DSCAM: variants seen among roughly 807,000 people sequenced by gnomAD.
DSCAM encodes the protein cell adhesion molecule DSCAM.
Under a neutral mutation model 217.7 loss-of-function variants are expected in DSCAM, and 47 were observed. The observed-to-expected ratio is 0.22, with a 90% CI of 0.17 to 0.28. DSCAM has a LOEUF of 0.28. Ranked by LOEUF, DSCAM falls within the 10% of genes least tolerant of loss-of-function variation. The pLI is 1.00. For synonymous variants in DSCAM, 1,056 were observed against 1,015.3 expected (o/e 1.04, Z -0.76); for missense variants, 2,080 against 2,618.3 (o/e 0.79, Z 4.49).
chr21:40,128,707 A>C (rs977534104), intron 19 of DSCAM, among the ~76,000 whole-genome samples: 1 of 151,784 alleles, frequency 6.6e-6, no homozygotes, highest in African/African-American at 2.4e-5. Flanking sequence ...AACAAAAAAA[A>C]AAAAAAAAAA....
At position 40,090,292 on chromosome 21, in the gene DSCAM, C is replaced by T. The variant is rs12626263; in HGVS notation, c.3851-3005G>A. On this transcript the variant is annotated intron_variant, in intron 21 of 32. Transcript: ENST00000400454. The stretch of plus-strand genomic sequence containing the variant: ...AAATAATGAACCCAGAGCCTTTCCT[C>T]GAATGAGAGCCTCCCTCCCCCTCCC... 1.4e-4 allele frequency among the ~76,000 whole-genome samples: 22 copies of T among 152,258 alleles called. No homozygotes were observed. The South Asian group carries it at 1.4e-3, about 10-fold the overall frequency.
Position 40,296,186 on chromosome 21 carries a change from G to T in DSCAM, c.2063-12C>A. 1 of 1,613,562 alleles carries T rather than the reference G, an allele frequency of 6.2e-7. No homozygotes were observed. ...AAACTTGGGAGGAACTGAAAAGAGA[G>T]AAATGTCACCAGTAATTAAGACTAG... On this transcript the variant is annotated splice_polypyrimidine_tract_variant and intron_variant, in intron 9 of 32. Coordinates refer to ENST00000400454, the MANE Select transcript of DSCAM (RefSeq NM_001389.5).
At chr21:40,585,164 G>A (rs142640925) in intron 3 of DSCAM, among the ~76,000 whole-genome samples, 134 of 138,352 alleles carry the variant, frequency 9.7e-4, no homozygotes, top group African/African-American at 3.4e-3. Context: ...GTAGAACCGC[G>A]AGACAAATCA....
chr21:40,498,697 A>G (rs1045068355), intron 3 of DSCAM, among the ~76,000 whole-genome samples: 23 of 6,234 alleles, frequency 3.7e-3, no homozygotes, highest in East Asian at 0.012. Flanking sequence ...ATATATATAT[A>G]GATATATATA....
chr21:40,572,072 ATGTGTGTGTGTGGGTG>A (rs1439225659), intron 3 of DSCAM, among the ~76,000 whole-genome samples: 2 of 127,308 alleles, frequency 1.6e-5, no homozygotes, highest in Non-Finnish European at 3.3e-5. Context: ...GATACTCAAC[ATGTGTGTGTGTGGGTG>A]TGTGTGTGTG....
rs187960739 is a variant in DSCAM at position 40,815,883 on chromosome 21, T to C, written c.43+30736A>G. Among the ~76,000 whole-genome samples the C allele has an allele frequency of 3.3e-5, 5 of 152,186 alleles. No homozygotes were observed. The East Asian group carries it at 5.8e-4, about 18-fold the overall frequency. ...CTACAGTGAGACTGAGATGTGATGATGAAAGATCCTACACAGTGCCTGGCA... is the reference window on the plus strand; with the variant it reads ...CTACAGTGAGACTGAGATGTGATGACGAAAGATCCTACACAGTGCCTGGCA... On this transcript the variant is annotated intron_variant, in intron 1 of 32. Coordinates refer to ENST00000400454, the MANE Select transcript of DSCAM (RefSeq NM_001389.5).
rs112738715 is a variant in DSCAM at position 40,315,272 on chromosome 21, C to T, written c.1784-2913G>A. 4.8e-3 allele frequency among the ~76,000 whole-genome samples: 730 copies of T among 151,878 alleles called. 5 individuals are homozygous for T. Among genetic ancestry groups the T allele is most frequent in the African/African-American group, 0.017 (695 of 41,432 alleles). On this transcript the variant is annotated intron_variant, in intron 8 of 32. Transcript: ENST00000400454. ...AAAAAAAATTAGCCAGGCATGGTGG[C>T]GTGCACCTATAGTCCCAGCTACTAG...
At chr21:40,668,368 TG>T (rs1330332588) in intron 3 of DSCAM, among the ~76,000 whole-genome samples, 1 of 152,342 alleles carries the variant, frequency 6.6e-6, no homozygotes, top group African/African-American at 2.4e-5. Context: ...TCTTCAGTGC[TG>T]GTAGAACATA....
chr21:40,417,583 T>A (rs2075384320), intron 3 of DSCAM, among the ~76,000 whole-genome samples: 1 of 152,200 alleles, frequency 6.6e-6, no homozygotes, highest in African/African-American at 2.4e-5. Flanking sequence ...GCCATGTATA[T>A]GTCCATATTA....
chr21:40,057,189 A>C (rs2089038844), intron 28 of DSCAM, among the ~76,000 whole-genome samples: 2 of 152,246 alleles, frequency 1.3e-5, no homozygotes, highest in South Asian at 4.1e-4. Context: ...ATGTACCTAC[A>C]TCATGCTAAT....
At chr21:40,118,535 C>T (rs1389910979) in intron 20 of DSCAM, among the ~76,000 whole-genome samples, 8 of 151,996 alleles carry the variant, frequency 5.3e-5, no homozygotes, top group Non-Finnish European at 8.8e-5. Flanking sequence ...TGCAGTGAGC[C>T]GAGATTGCGC....
intron 32 of DSCAM, among the ~76,000 whole-genome samples, chr21:40,029,082 A>G (rs994028502): frequency 1.1e-4 from 17 of 152,240 alleles, no homozygotes; most frequent in Admixed American, 9.2e-4. Context: ...AGAAAACAAA[A>G]TTCTCTATTC....
At chr21:40,603,673 A>G (rs925659236) in intron 3 of DSCAM, among the ~76,000 whole-genome samples, 2 of 151,846 alleles carry the variant, frequency 1.3e-5, no homozygotes, top group African/African-American at 4.8e-5. Context: ...TTTTGAAGAA[A>G]CATTATGTAG....
chr21:40,537,178 T>G (rs1332608004), intron 3 of DSCAM, among the ~76,000 whole-genome samples: 1 of 152,188 alleles, frequency 6.6e-6, no homozygotes, highest in Non-Finnish European at 1.5e-5. Context: ...AATTTATTGT[T>G]TAACAACTTA....
At chr21:40,200,016 C>CTTTT (rs369465225) in intron 11 of DSCAM, among the ~76,000 whole-genome samples, 1,463 of 135,160 alleles carry the variant, frequency 0.011, 39 homozygotes, top group African/African-American at 0.038. Flanking sequence ...CCTCAGGATT[C>CTTTT]TTTTTTTTTT....
intron 3 of DSCAM, among the ~76,000 whole-genome samples, chr21:40,591,220 C>G (rs1045187784): frequency 6.6e-6 from 1 of 152,170 alleles, no homozygotes; most frequent in Non-Finnish European, 1.5e-5. Flanking sequence ...CCTGGGGCTT[C>G]CCTAGCCATG....
intron 5 of DSCAM, among the ~76,000 whole-genome samples, chr21:40,349,244 T>G (rs754117571): frequency 6.6e-6 from 1 of 151,792 alleles, no homozygotes; most frequent in African/African-American, 2.4e-5. Flanking sequence ...ACTGGTGGGT[T>G]TGCCCTGGGC....
intron 11 of DSCAM, among the ~76,000 whole-genome samples, chr21:40,257,052 C>T (rs1009381312): frequency 6.6e-6 from 1 of 152,162 alleles, no homozygotes; most frequent in Non-Finnish European, 1.5e-5. Flanking sequence ...GTTGACAATA[C>T]TTAAATACTA....
chr21:40,248,089 ACTCCCTAGGC>A (rs1296758906), intron 11 of DSCAM, among the ~76,000 whole-genome samples: 1 of 151,748 alleles, frequency 6.6e-6, no homozygotes. Context: ...CAGGGCACCA[ACTCCCTAGGC>A]TGCACACAGC....
Sources: gnomAD v4.1 joint callset for allele counts (sites outside exome capture counted in the v4.1 genomes callset) on GRCh38, gnomAD v4.1.1 for gene constraint, MANE v1.5 for transcripts, NCBI Gene and HGNC (gene_info 2026-07-23, HGNC 2026-07-21) for gene names.